DNAAF5: variants seen among roughly 807,000 people sequenced by gnomAD.
The protein encoded by DNAAF5 is HEAT repeat containing 2.
DNAAF5 carries 64 observed loss-of-function variants against 75.8 expected under a neutral mutation model. That is an observed-to-expected ratio of 0.84 (90% confidence interval 0.69 to 1.04). The LOEUF is 1.04. Among genes scored for constraint, DNAAF5 ranks in the 50% least tolerant of loss-of-function variants. DNAAF5 has a pLI of 0.00. For missense variants in DNAAF5, 1,269 were observed against 1,178.5 expected (o/e 1.08, Z -1.12); for synonymous variants, 657 against 557.2 (o/e 1.18, Z -2.52).
chr7:782,560 C>T (rs935474429), intron 12 of DNAAF5, among the ~76,000 whole-genome samples: 1 of 148,072 alleles, frequency 6.8e-6, no homozygotes, highest in African/African-American at 2.6e-5. Flanking sequence ...TCCCGTCACG[C>T]GGCGTCAGAA....
At chr7:780,423 A>G (rs1244703173) in intron 12 of DNAAF5, among the ~76,000 whole-genome samples, 1 of 152,272 alleles carries the variant, frequency 6.6e-6, no homozygotes, top group East Asian at 1.9e-4. Flanking sequence ...ATATATTGAC[A>G]CAGATGGCTT....
chr7:742,059 T>A (rs1346387978), intron 4 of DNAAF5, among the ~76,000 whole-genome samples: 1 of 152,196 alleles, frequency 6.6e-6, no homozygotes, highest in African/African-American at 2.4e-5. Flanking sequence ...CAGGTCTGGC[T>A]GAGTCTGAGT....
Position 754,018 on chromosome 7 carries a change from G to A in DNAAF5, c.1025-571G>A, listed in dbSNP as rs1371603543. On this transcript the variant is annotated intron_variant, in intron 4 of 12. Transcript: ENST00000297440. This position sits in a 1 kb window ranked among gnomAD's most constrained non-coding sequence, Gnocchi z 4.8. ...TGTGTCTCTCTGATCATAGGGGGAC[G>A]GCTTCGCAGGCGTGTCTCTCATCAT... is the stretch of plus-strand genomic sequence containing the variant. 1.6e-4 allele frequency among the ~76,000 whole-genome samples: 23 copies of A among 143,390 alleles called. No homozygotes were observed. The highest frequency in any genetic ancestry group is 5.0e-4 in the African/African-American group (19 of 37,746). 94.1% of individuals were successfully genotyped at this position (143,390 alleles called of 152,430 possible).
At chr7:741,612 TG>T in intron 4 of DNAAF5, 147 bp downstream of exon 4, 2 of 603,624 alleles carry the variant, frequency 3.3e-6, no homozygotes, top group Non-Finnish European at 5.9e-6. Flanking sequence ...CCCACTGGGC[TG>T]GGGCTCCTGC....
intron 4 of DNAAF5, among the ~76,000 whole-genome samples, chr7:744,792 A>G (rs4725113): frequency 0.78 from 118,938 of 152,020 alleles, 46,840 homozygotes; most frequent in South Asian, 0.87. Flanking sequence ...TAATAGAGAC[A>G]GGGTTTCGCC....
chr7:744,957 C>T (rs1782034400), intron 4 of DNAAF5, among the ~76,000 whole-genome samples: 1 of 152,172 alleles, frequency 6.6e-6, no homozygotes, highest in Admixed American at 6.5e-5. Flanking sequence ...TACGAACTCA[C>T]TGTTGAACTC....
In DNAAF5 at chr7:740,938, G is replaced by A; in HGVS notation, c.900G>A (p.Glu300=). 1 of 1,613,154 alleles carries A rather than the reference G, an allele frequency of 6.2e-7. No homozygotes were observed. The highest frequency in any genetic ancestry group is 8.5e-7 in the Non-Finnish European group (1 of 1,180,030). Residue 300 remains glutamate, a synonymous_variant, in exon 3 of 13, where the codon GAG becomes GAA. Transcript: ENST00000297440. ...GTAGCCTCAACGACGAGGTGCCTGA[G>A]GTCAGGTACGTGGGCAGGCGGCCGC... is the stretch of plus-strand genomic sequence containing the variant. ...LLSSLNDEVP[E]VRQLAASLWE...
chr7:741,288 C>T, intron 3 of DNAAF5, 59 bp from the exon 4 acceptor site: 7 of 1,316,082 alleles, frequency 5.3e-6, no homozygotes, highest in Non-Finnish European at 7.5e-6. Flanking sequence ...TGGCGCAGCC[C>T]TGCGGCCTCC....
Position 783,287 on chromosome 7 carries a change from G to A in DNAAF5, c.2432-2230G>A, listed in dbSNP as rs562145849. Among the ~76,000 whole-genome samples the A allele has an allele frequency of 1.2e-4, 18 of 152,374 alleles. No homozygotes were observed. In the East Asian group the frequency reaches 2.5e-3, roughly 21 times the overall value. On this transcript the variant is annotated intron_variant, in intron 12 of 12. Coordinates refer to ENST00000297440, the MANE Select transcript of DNAAF5 (RefSeq NM_017802.4). ...AGCGGTGCACCTGGTGCCCACTCGC[G>A]GGTGTAAGCCGTGTGCGTGAGGGTG...
At position 729,709 on chromosome 7, in the gene DNAAF5, G is replaced by T. The variant is rs374875482; in HGVS notation, c.642G>T (p.Gln214His). 166 of 1,614,014 alleles carry T rather than the reference G, an allele frequency of 1.0e-4. No individual in the cohort carries two copies. Among genetic ancestry groups the T allele is most frequent in the Non-Finnish European group, 1.3e-4 (159 of 1,180,036 alleles). The stretch of plus-strand genomic sequence containing the variant: ...AGTCTCTGATCGGGCCCCTGATGCA[G>T]ACCATCTCCCACCAGCACTGGAAGG... ...QSESLIGPLM[Q>H]TISHQHWKVR... Residue 214 changes from glutamine to histidine, a missense_variant, in exon 2 of 13, where the codon CAG (glutamine) becomes CAT (histidine). Transcript: ENST00000297440.
At chr7:740,706 C>T (rs1379073784) in intron 2 of DNAAF5, 113 bp from the exon 3 acceptor site, 42 of 1,453,288 alleles carry the variant, frequency 2.9e-5, no homozygotes, top group African/African-American at 1.4e-5. Flanking sequence ...AGGACCTGGC[C>T]GTGCCTCTGC....
chr7:784,207 G>A (rs535056234), intron 12 of DNAAF5, among the ~76,000 whole-genome samples: 2 of 152,266 alleles, frequency 1.3e-5, no homozygotes, highest in Non-Finnish European at 2.9e-5. Context: ...CGGGACGCCC[G>A]TGCTCAGTCT....
intron 2 of DNAAF5, among the ~76,000 whole-genome samples, chr7:733,227 TTTTG>T (rs1239852337): frequency 6.6e-6 from 1 of 152,218 alleles, no homozygotes; most frequent in Non-Finnish European, 1.5e-5. Flanking sequence ...CCCTCCAGTT[TTTTG>T]TTTGTTTTTG....
At chr7:783,320 C>G (rs1481957609) in intron 12 of DNAAF5, among the ~76,000 whole-genome samples, 1 of 152,106 alleles carries the variant, frequency 6.6e-6, no homozygotes, top group African/African-American at 2.4e-5. Context: ...GTGAGTGTGG[C>G]AGGTGAAGCC....
chr7:740,807 T>C lies in DNAAF5; in HGVS notation c.781-12T>C. ...GCCTACACGAATCCTTATCCCTTCC[T>C]CTCATGCGCAGGTCCGGCGGGCGGT... On this transcript the variant is annotated splice_polypyrimidine_tract_variant and intron_variant, in intron 2 of 12. Coordinates refer to ENST00000297440, the MANE Select transcript of DNAAF5 (RefSeq NM_017802.4). 1.9e-6 allele frequency: 3 copies of C among 1,613,230 alleles called. No homozygotes were observed. The highest frequency in any genetic ancestry group is 2.5e-6 in the Non-Finnish European group (3 of 1,179,988).
At chr7:738,196 T>C (rs1781794687) in intron 2 of DNAAF5, among the ~76,000 whole-genome samples, 2 of 152,260 alleles carry the variant, frequency 1.3e-5, no homozygotes, top group South Asian at 4.1e-4. Flanking sequence ...AGTTCTGCTG[T>C]TGAGAGGCTC....
intron 4 of DNAAF5, among the ~76,000 whole-genome samples, chr7:743,553 A>G (rs942938082): frequency 1.6e-4 from 9 of 57,464 alleles, no homozygotes; most frequent in African/African-American, 4.5e-4. Context: ...GTTGCTGTAC[A>G]GGGAAAGCAC....
At chr7:785,004 G>A (rs561753363) in intron 12 of DNAAF5, among the ~76,000 whole-genome samples, 8 of 152,088 alleles carry the variant, frequency 5.3e-5, no homozygotes, top group South Asian at 2.1e-4. Flanking sequence ...CAGGTCATTC[G>A]TATCCACATT....
chr7:766,953 G>A (rs1315432923), intron 8 of DNAAF5, among the ~76,000 whole-genome samples: 3 of 152,046 alleles, frequency 2.0e-5, no homozygotes, highest in African/African-American at 7.3e-5. Context: ...AAGACTGTAG[G>A]GTCCCGCTGG....
Sources: allele counts gnomAD v4.1 joint callset (sites outside exome capture counted in the v4.1 genomes callset), GRCh38; gene constraint gnomAD v4.1.1; non-coding constraint Gnocchi (gnomAD v3.1); transcripts MANE v1.5; gene names NCBI Gene and HGNC (gene_info 2026-07-23, HGNC 2026-07-21).